Variants in OSBP2 observed in about 807,000 individuals in gnomAD.
OSBP2 encodes the protein oxysterol-binding protein 2.
OSBP2 carries 66 observed loss-of-function variants against 96.0 expected under a neutral mutation model. The ratio of observed to expected loss-of-function variants is 0.69; its 90% confidence interval spans 0.56 to 0.84. OSBP2 has a LOEUF of 0.84. Among genes scored for constraint, OSBP2 ranks in the 40% least tolerant of loss-of-function variants. The probability of loss-of-function intolerance (pLI) is 0.00; values close to 1 mark genes in which losing one functional copy is unlikely to be tolerated. For missense variants in OSBP2, 1,038 were observed against 1,222.7 expected (o/e 0.85, Z 2.25); for synonymous variants, 525 against 520.9 (o/e 1.01, Z -0.11).
At chr22:30,885,769 A>G (rs1162123279) in intron 3 of OSBP2, among the ~76,000 whole-genome samples, 3 of 152,272 alleles carry the variant, frequency 2.0e-5, no homozygotes, top group Admixed American at 6.5e-5. Context: ...AATGAGCAAC[A>G]GCAGCCACCT....
At chr22:30,904,186 C>T (rs1274385101) in intron 12 of OSBP2, among the ~76,000 whole-genome samples, 1 of 152,192 alleles carries the variant, frequency 6.6e-6, no homozygotes, top group Non-Finnish European at 1.5e-5. Flanking sequence ...CAGCCTGGGG[C>T]GCCCAGTGTA....
chr22:30,756,732 G>T (rs1354293139), intron 2 of OSBP2, among the ~76,000 whole-genome samples: 1 of 152,036 alleles, frequency 6.6e-6, no homozygotes, highest in Non-Finnish European at 1.5e-5. Context: ...TCTTAGAGTT[G>T]TCAAGAGGGA....
intron 1 of OSBP2, among the ~76,000 whole-genome samples, chr22:30,724,638 G>A (rs1231868933): frequency 6.6e-6 from 1 of 152,182 alleles, no homozygotes; most frequent in Non-Finnish European, 1.5e-5. Context: ...TTGGTTGCAT[G>A]CGTATTTTGG....
intron 2 of OSBP2, among the ~76,000 whole-genome samples, chr22:30,785,554 G>A (rs1296092801): frequency 2.1e-5 from 3 of 139,906 alleles, no homozygotes; most frequent in Non-Finnish European, 3.0e-5. Context: ...GTGACAGAGT[G>A]AGACTTCGTC....
chr22:30,815,832 A>G (rs1159263701), intron 2 of OSBP2, among the ~76,000 whole-genome samples: 1 of 152,154 alleles, frequency 6.6e-6, no homozygotes, highest in Non-Finnish European at 1.5e-5. Flanking sequence ...GCCATACTCT[A>G]ATATTCTGAA....
chr22:30,856,014 C>A (rs946233260), intron 2 of OSBP2, among the ~76,000 whole-genome samples: 2 of 152,200 alleles, frequency 1.3e-5, no homozygotes, highest in Non-Finnish European at 2.9e-5. Flanking sequence ...CCCAGCTAGG[C>A]TCTGGGGACC....
At chr22:30,786,018 TTG>T (rs59686538) in intron 2 of OSBP2, among the ~76,000 whole-genome samples, 92 of 148,474 alleles carry the variant, frequency 6.2e-4, no homozygotes, top group Non-Finnish European at 7.6e-4. Context: ...CTAATACAGT[TTG>T]TGTGTGTGTG....
chr22:30,822,750 T>C, intron 2 of OSBP2: 2 of 1,474,714 alleles, frequency 1.4e-6, no homozygotes, highest in Non-Finnish European at 1.8e-6. Context: ...GAGGCCAGGC[T>C]CCCCGCGCAT....
At chr22:30,812,592 C>G (rs564558884) in intron 2 of OSBP2, among the ~76,000 whole-genome samples, 1 of 152,344 alleles carries the variant, frequency 6.6e-6, no homozygotes, top group African/African-American at 2.4e-5. Context: ...AAATCTCCCT[C>G]TACGTGCATC....
chr22:30,870,129 A>T lies in OSBP2; in HGVS notation c.854-300A>T, dbSNP rs1186146849. Among the ~76,000 whole-genome samples the T allele has an allele frequency of 6.6e-6, 1 of 152,190 alleles. No homozygotes were observed. Among genetic ancestry groups the T allele is most frequent in the Non-Finnish European group, 1.5e-5 (1 of 68,020 alleles). On this transcript the variant is annotated intron_variant, in intron 2 of 13. Transcript: ENST00000332585. The surrounding 1 kb of genome is among the most constrained non-coding windows in gnomAD (Gnocchi z 4.1). ...TGTAGGGAGCTGGCGCCCTGCATGC[A>T]GGTGGGTGCCTGTAGGCCTGCCGCC...
At chr22:30,734,291 C>A (rs545419895) in intron 1 of OSBP2, among the ~76,000 whole-genome samples, 30 of 152,214 alleles carry the variant, frequency 2.0e-4, no homozygotes, top group African/African-American at 6.7e-4. Flanking sequence ...TGGATATGAG[C>A]CCTGATGAAA....
intron 2 of OSBP2, among the ~76,000 whole-genome samples, chr22:30,746,994 A>C (rs1335670333): frequency 6.6e-6 from 1 of 152,218 alleles, no homozygotes; most frequent in African/African-American, 2.4e-5. Flanking sequence ...TTACCCCAGG[A>C]GTGGAAGGGT....
intron 3 of OSBP2, among the ~76,000 whole-genome samples, chr22:30,878,487 G>T (rs1300163602): frequency 6.6e-6 from 1 of 152,200 alleles, no homozygotes; most frequent in African/African-American, 2.4e-5. Context: ...GAGAATGGGG[G>T]CCTTGCTGTC....
In OSBP2 at chr22:30,695,465, G is replaced by C; in HGVS notation, c.556G>C (p.Glu186Gln). 6.2e-7 allele frequency: 1 copy of C among 1,613,522 alleles called. No individual in the cohort carries two copies. Among genetic ancestry groups the C allele is most frequent in the Non-Finnish European group, 8.5e-7 (1 of 1,180,042 alleles). The change falls in exon 1 of 14, where the codon GAG becomes CAG. Residue 186 changes from glutamate (E) to glutamine (Q), a missense_variant. Coordinates refer to ENST00000332585, the MANE Select transcript of OSBP2 (RefSeq NM_030758.4). ...PLALLPLDSF[E>Q]GWLLKWTNYL... ...GGCCTTACTGCCTCTGGACAGCTTC[G>C]AGGGCTGGCTTCTCAAGTGGACCAA...
intron 2 of OSBP2, among the ~76,000 whole-genome samples, chr22:30,782,389 A>G (rs2090529708): frequency 6.6e-6 from 1 of 150,944 alleles, no homozygotes; most frequent in Non-Finnish European, 1.5e-5. Context: ...TTTTTTCTTC[A>G]CCATCTTGGC....
intron 2 of OSBP2, among the ~76,000 whole-genome samples, chr22:30,849,032 C>T (rs920334160): frequency 1.3e-5 from 2 of 152,006 alleles, no homozygotes; most frequent in African/African-American, 4.8e-5. Context: ...TTTGGGAGGC[C>T]AAGGCAGGGG....
chr22:30,843,885 T>C (rs1007946032), intron 2 of OSBP2, among the ~76,000 whole-genome samples: 2 of 151,628 alleles, frequency 1.3e-5, no homozygotes, highest in Non-Finnish European at 2.9e-5. Context: ...TTTTTTTTTT[T>C]TTTTTTGAGA....
chr22:30,778,328 CA>C (rs1428000310), intron 2 of OSBP2, among the ~76,000 whole-genome samples: 17 of 151,754 alleles, frequency 1.1e-4, no homozygotes, highest in African/African-American at 2.9e-4. Context: ...CACACACACA[CA>C]CACACCCACT....
intron 2 of OSBP2, chr22:30,822,410 C>G (rs1183457965): frequency 1.1e-6 from 1 of 869,714 alleles, no homozygotes; most frequent in Non-Finnish European, 1.5e-6. Flanking sequence ...GCAGCACCGC[C>G]GCTCAGGCTG....
Sources: gnomAD v4.1 joint callset for allele counts (sites outside exome capture counted in the v4.1 genomes callset) on GRCh38, gnomAD v4.1.1 for gene constraint, Gnocchi (gnomAD v3.1) non-coding constraint, MANE v1.5 for transcripts, NCBI Gene and HGNC (gene_info 2026-07-23, HGNC 2026-07-21) for gene names.